ANK2: variants seen among roughly 807,000 people sequenced by gnomAD.
The protein encoded by ANK2 is ankyrin 2, also known as ankyrin-2.
A neutral mutation model predicts 360.5 loss-of-function variants in ANK2; 83 were observed. The ratio of observed to expected loss-of-function variants is 0.23; its 90% CI spans 0.19 to 0.28. ANK2 has a LOEUF of 0.28. Among genes scored for constraint, ANK2 ranks in the 10% least tolerant of loss-of-function variants. The probability of loss-of-function intolerance (pLI) is 1.00; values close to 1 mark genes in which losing one functional copy is unlikely to be tolerated. For missense variants in ANK2, 4,201 were observed against 4,795.7 expected, an observed-to-expected ratio of 0.88 and a Z score of 3.66; for synonymous variants, 1,740 against 1,759.5, an observed-to-expected ratio of 0.99 and a Z score of 0.28.
At chr4:113,132,748 A>C (rs764489927) in intron 1 of ANK2, among the ~76,000 whole-genome samples, 2 of 152,094 alleles carry the variant, frequency 1.3e-5, no homozygotes, top group Non-Finnish European at 2.9e-5. Flanking sequence ...AATAGTCAAC[A>C]TTGGGGTTCT....
At chr4:112,777,861 G>A in the ANK2 span, among the ~76,000 whole-genome samples, 3 of 151,296 alleles carry the variant, frequency 2.0e-5, no homozygotes, top group Admixed American at 6.6e-5. Flanking sequence ...CAGGTGATCC[G>A]CCCGCCTCGG....
chr4:112,793,604 G>C, the ANK2 span, among the ~76,000 whole-genome samples: 1 of 151,598 alleles, frequency 6.6e-6, no homozygotes, highest in African/African-American at 2.4e-5. Context: ...CCAAATGATA[G>C]AAACTTAAAG....
chr4:113,235,092 T>C (rs757581050), intron 5 of ANK2, among the ~76,000 whole-genome samples: 1 of 152,214 alleles, frequency 6.6e-6, no homozygotes, highest in Non-Finnish European at 1.5e-5. Flanking sequence ...AACTTTTTAA[T>C]GACATTCTGT....
At chr4:112,710,903 T>TATA in the ANK2 span, among the ~76,000 whole-genome samples, 8 of 141,290 alleles carry the variant, frequency 5.7e-5, no homozygotes, top group South Asian at 2.2e-4. Flanking sequence ...TGAACAGGTT[T>TATA]TATATATATA....
chr4:112,843,698 A>G (rs1201932520), intron 1 of ANK2, among the ~76,000 whole-genome samples: 3 of 152,126 alleles, frequency 2.0e-5, no homozygotes, highest in Non-Finnish European at 4.4e-5. Context: ...TCTCTTTTTT[A>G]GAATGCTTAT....
chr4:113,289,812 A>T (rs2066649822), intron 20 of ANK2, among the ~76,000 whole-genome samples: 1 of 152,204 alleles, frequency 6.6e-6, no homozygotes, highest in Admixed American at 6.5e-5. Flanking sequence ...CCAGTTCTTA[A>T]GTTCTCATGA....
chr4:113,132,363 A>G (rs543051085), intron 1 of ANK2, among the ~76,000 whole-genome samples: 29 of 152,294 alleles, frequency 1.9e-4, no homozygotes, highest in African/African-American at 6.5e-4. Context: ...AAGTTACAGT[A>G]TTGCAGTTTT....
intron 4 of ANK2, among the ~76,000 whole-genome samples, chr4:113,209,812 T>A (rs55999542): frequency 0.11 from 16,498 of 151,066 alleles, 1,086 homozygotes; most frequent in South Asian, 0.18. Flanking sequence ...TGCAGTTGGG[T>A]AAGGAAGAGA....
the ANK2 span, among the ~76,000 whole-genome samples, chr4:112,741,551 G>T: frequency 6.6e-5 from 10 of 152,312 alleles, no homozygotes; most frequent in Admixed American, 6.5e-4. Context: ...TTATGCCTCT[G>T]TCCATACAGA....
At chr4:112,925,039 C>T (rs769868635) in intron 2 of ANK2, among the ~76,000 whole-genome samples, 15 of 151,968 alleles carry the variant, frequency 9.9e-5, no homozygotes, top group Non-Finnish European at 1.8e-4. Context: ...GAGGTTTCAT[C>T]GTGTTAGCCA....
intron 45 of ANK2, among the ~76,000 whole-genome samples, chr4:113,379,704 C>T (rs974567089): frequency 6.6e-6 from 1 of 151,856 alleles, no homozygotes; most frequent in African/African-American, 2.4e-5. Context: ...AAGTTTGCTT[C>T]CAGATGCAGA....
chr4:112,873,734 C>T lies in ANK2; in HGVS notation c.-39-30721C>T, dbSNP rs560090276. Among the ~76,000 whole-genome samples, 50 of 149,508 alleles carry T rather than the reference C, an allele frequency of 3.3e-4. 1 individual carries two copies. In the East Asian group the frequency reaches 8.5e-3, roughly 25 times the overall value. On this transcript the variant is annotated intron_variant, in intron 1 of 30. Transcript: ENST00000503271. ...TTTTTTTTTGTATTTTTGGTAGAGA[C>T]GGGGTTTCACCGTGTTAGCCAGGAT... is the stretch of plus-strand genomic sequence containing the variant.
chr4:113,188,310 T>TGGGA (rs977163312), intron 2 of ANK2, among the ~76,000 whole-genome samples: 2 of 152,210 alleles, frequency 1.3e-5, no homozygotes, highest in Non-Finnish European at 2.9e-5. Context: ...TATAGTCCTA[T>TGGGA]GGGACACAGG....
rs1201322858 is a variant in ANK2 at position 112,897,291 on chromosome 4, A to G, written c.-39-7164A>G. On this transcript the variant is annotated intron_variant, in intron 1 of 30. Coordinates refer to the ANK2 transcript ENST00000503271. ...TGGGGTTCTTTGACCCAGTCTGCCA[A>G]TATTCCCTTTCTTTGTTCAATGCCT... is the stretch of plus-strand genomic sequence containing the variant. Among the ~76,000 whole-genome samples, 15 of 152,116 alleles carry G rather than the reference A, an allele frequency of 9.9e-5. 1 individual carries two copies. Among genetic ancestry groups the G allele is most frequent in the Admixed American group, 9.8e-4 (15 of 15,264 alleles).
At chr4:113,098,579 A>G (rs1270279632) in intron 1 of ANK2, among the ~76,000 whole-genome samples, 3 of 152,008 alleles carry the variant, frequency 2.0e-5, no homozygotes, top group Non-Finnish European at 4.4e-5. Flanking sequence ...CCAGGCTCAA[A>G]TGGTTTCACT....
At chr4:112,983,669 C>A (rs2043879056) in intron 2 of ANK2, among the ~76,000 whole-genome samples, 1 of 135,166 alleles carries the variant, frequency 7.4e-6, no homozygotes, top group Non-Finnish European at 1.6e-5. Context: ...GAGTGAAACT[C>A]CGTCTCAGAA....
the ANK2 span, among the ~76,000 whole-genome samples, chr4:112,768,005 G>C: frequency 6.6e-6 from 1 of 152,134 alleles, no homozygotes; most frequent in Non-Finnish European, 1.5e-5. Flanking sequence ...AAAACAAAGG[G>C]AGAAGGAGAC....
At chr4:112,736,415 A>G in the ANK2 span, among the ~76,000 whole-genome samples, 1 of 150,982 alleles carries the variant, frequency 6.6e-6, no homozygotes, top group Non-Finnish European at 1.5e-5. Context: ...CTGTGAGCTG[A>G]GATTGCTCCA....
chr4:113,354,074 C>A lies in ANK2; in HGVS notation c.5456C>A (p.Ala1819Glu), dbSNP rs753589550. 5 of 1,614,038 alleles carry A rather than the reference C, an allele frequency of 3.1e-6. No homozygotes were observed. The highest frequency in any genetic ancestry group is 4.2e-6 in the Non-Finnish European group (5 of 1,179,986). The change falls in exon 38 of 46, where the codon GCG becomes GAG. Residue 1819 changes from alanine to glutamate, a missense_variant. Ala to Glu is a moderately radical substitution (Grantham distance 107, BLOSUM62 -1). Around this residue, in one of 4 missense-constraint regions of ANK2, gnomAD observed 2,642 missense variants for 2,714.5 expected, o/e 0.97. Transcript: ENST00000357077. ...CCCTCTCTGAAGTCAGAGAGACATG[C>A]GCCAGGGTCTCCCTCCCCTAAAACA... ...ASPSLKSERH[A>E]PGSPSPKTER...
Sources: allele counts gnomAD v4.1 joint callset (sites outside exome capture counted in the v4.1 genomes callset), GRCh38; gene constraint gnomAD v4.1.1; regional missense constraint gnomAD v4.1.1; transcripts MANE v1.5; gene names NCBI Gene and HGNC (gene_info 2026-07-23, HGNC 2026-07-21).